Variants in NHSL2 observed in about 807,000 individuals in gnomAD.
The protein encoded by NHSL2 is NHS-like protein 2.
Under a neutral mutation model 53.4 loss-of-function variants are expected in NHSL2, and 27 were observed. The ratio of observed to expected loss-of-function variants is 0.51; its 90% confidence interval spans 0.37 to 0.70. NHSL2 has a LOEUF of 0.70. Ranked by LOEUF, NHSL2 falls within the 30% of genes least tolerant of loss-of-function variation. The pLI, the probability that NHSL2 is intolerant of heterozygous loss-of-function variation, is 0.00. For synonymous variants in NHSL2, 408 were observed against 404.1 expected, an observed-to-expected ratio of 1.01 and a Z score of -0.12; for missense variants, 892 against 980.1, an observed-to-expected ratio of 0.91 and a Z score of 1.20.
chrX:72,000,694 C>G (rs1556327617), intron 1 of NHSL2, among the ~76,000 whole-genome samples: 2 of 111,521 alleles, frequency 1.8e-5, no homozygotes, highest in African/African-American at 6.5e-5. Context: ...ATCCCATCAC[C>G]CTGATTCTGC....
At chrX:72,006,868 G>A (rs1186976728) in intron 1 of NHSL2, among the ~76,000 whole-genome samples, 10 of 112,504 alleles carry the variant, frequency 8.9e-5, no homozygotes, top group Non-Finnish European at 1.9e-4. Flanking sequence ...TATACACCAT[G>A]GGACTGCAAG....
chrX:72,125,065 G>A (rs2042212190), intron 1 of NHSL2, among the ~76,000 whole-genome samples: 1 of 46,463 alleles, frequency 2.2e-5, no homozygotes, highest in Non-Finnish European at 8.9e-5. Flanking sequence ...CTGACAGCCA[G>A]GTCAGTCTGT....
intron 1 of NHSL2, among the ~76,000 whole-genome samples, 177 bp downstream of exon 1, chrX:71,911,544 C>T (rs1371613038): frequency 1.8e-5 from 2 of 112,006 alleles, no homozygotes; most frequent in African/African-American, 6.5e-5. Flanking sequence ...CCACGGTCGC[C>T]CTACCGCTGG....
chrX:71,970,890 C>T (rs1049246502), intron 1 of NHSL2, among the ~76,000 whole-genome samples: 3 of 111,171 alleles, frequency 2.7e-5, no homozygotes. Flanking sequence ...TCAAGCAATC[C>T]TCCTGCCTCA....
intron 1 of NHSL2, among the ~76,000 whole-genome samples, chrX:72,024,791 C>G (rs1025879895): frequency 2.7e-5 from 3 of 112,241 alleles, no homozygotes; most frequent in African/African-American, 9.7e-5. Flanking sequence ...ATTAGACCCA[C>G]TGCTTGATCG....
intron 1 of NHSL2, chrX:72,131,558 C>T (rs1220845611): frequency 2.6e-6 from 3 of 1,148,190 alleles, no homozygotes; most frequent in African/African-American, 1.8e-5. Context: ...AGCCCAGGGG[C>T]CCTGGGGCTC....
At position 72,060,189 on chromosome X, in the gene NHSL2, CT is replaced by C. The variant is rs772432818; in HGVS notation, c.281-71889del. 2.7e-5 allele frequency among the ~76,000 whole-genome samples: 3 copies of C among 112,104 alleles called. No homozygotes were observed. In the East Asian group the frequency reaches 8.4e-4, roughly 31 times the overall value. ...CCTGATCTCTCTGAGCTTCAGTTTC[CT>C]AAAGTGCGAATTGAGGATAGTAATA... On this transcript the variant is annotated intron_variant, in intron 1 of 7. Transcript: ENST00000633930.
intron 1 of NHSL2, among the ~76,000 whole-genome samples, chrX:72,100,397 A>G (rs1010544132): frequency 8.9e-6 from 1 of 112,359 alleles, no homozygotes; most frequent in Non-Finnish European, 1.9e-5. Context: ...GTATCTAAAC[A>G]TAACTAAACC....
chrX:72,042,306 G>A (rs188058188), intron 1 of NHSL2, among the ~76,000 whole-genome samples: 1 of 112,878 alleles, frequency 8.9e-6, no homozygotes, highest in African/African-American at 3.2e-5. Flanking sequence ...ACAAAAACCT[G>A]AAGCTCTGCT....
chrX:71,953,110 C>G (rs1382732709), intron 1 of NHSL2, among the ~76,000 whole-genome samples: 1 of 111,243 alleles, frequency 9.0e-6, no homozygotes, highest in Non-Finnish European at 1.9e-5. Flanking sequence ...ATCTAACTCT[C>G]CACTGTCTAG....
chrX:71,964,013 A>ATG (rs1569467096), intron 1 of NHSL2, among the ~76,000 whole-genome samples: 440 of 6,165 alleles, frequency 0.071, 25 homozygotes, highest in African/African-American at 0.12. Context: ...ATATATATGT[A>ATG]TATATATATA....
intron 4 of NHSL2, 82 bp downstream of exon 4, chrX:72,134,786 G>A (rs764308457): frequency 7.3e-5 from 52 of 711,860 alleles, no homozygotes; most frequent in Admixed American, 3.2e-4. Context: ...GGTATTGGGG[G>A]AGGGAAGTGA....
At chrX:71,938,625 C>T (rs182070347) in intron 1 of NHSL2, among the ~76,000 whole-genome samples, 1 of 112,475 alleles carries the variant, frequency 8.9e-6, no homozygotes, top group East Asian at 2.8e-4. Context: ...TCTCACAAAG[C>T]TATTAAAAGA....
At chrX:72,070,089 G>A (rs2042458193) in intron 1 of NHSL2, among the ~76,000 whole-genome samples, 2 of 111,839 alleles carry the variant, frequency 1.8e-5, no homozygotes, top group South Asian at 7.5e-4. Flanking sequence ...CCAGTAGGCA[G>A]AATCTTGGAA....
intron 1 of NHSL2, among the ~76,000 whole-genome samples, chrX:71,988,133 T>G (rs767672404): frequency 9.8e-5 from 11 of 111,979 alleles, no homozygotes; most frequent in Non-Finnish European, 1.7e-4. Context: ...AAAACATTGC[T>G]GCGGCAGGAT....
chrX:72,138,358 C>G (rs1308986288), intron 5 of NHSL2, 83 bp from the exon 6 acceptor site: 3 of 808,439 alleles, frequency 3.7e-6, no homozygotes, highest in Non-Finnish European at 5.2e-6. Flanking sequence ...TGCTTCTTGG[C>G]AAAAAGTTGG....
chrX:72,103,042 G>A (rs764629899), intron 1 of NHSL2, among the ~76,000 whole-genome samples: 15 of 112,248 alleles, frequency 1.3e-4, no homozygotes, highest in African/African-American at 4.5e-4. Flanking sequence ...CTTCCCGGGG[G>A]ACAGAGCCAA....
At chrX:72,013,639 A>C (rs1237644688) in intron 1 of NHSL2, among the ~76,000 whole-genome samples, 1 of 108,797 alleles carries the variant, frequency 9.2e-6, no homozygotes, top group Non-Finnish European at 1.9e-5. Flanking sequence ...TCTGAGGGGG[A>C]AAGCATTTAG....
intron 1 of NHSL2, among the ~76,000 whole-genome samples, chrX:72,068,734 C>T (rs2042447213): frequency 9.0e-6 from 1 of 111,604 alleles, no homozygotes; most frequent in Admixed American, 9.5e-5. Flanking sequence ...ATGGAAGGAG[C>T]CCTCTCATTG....
Sources: gnomAD v4.1 joint callset for allele counts (sites outside exome capture counted in the v4.1 genomes callset) on GRCh38, gnomAD v4.1.1 for gene constraint, MANE v1.5 for transcripts, NCBI Gene and HGNC (gene_info 2026-07-23, HGNC 2026-07-21) for gene names.